The following CIB1 variants were observed in gnomAD, a reference collection of about 807,000 sequenced individuals.
CIB1 encodes the protein calcium and integrin-binding protein 1.
A neutral mutation model predicts 25.0 loss-of-function variants in CIB1; 19 were observed. That is an observed-to-expected ratio of 0.76 (90% CI 0.53 to 1.12). CIB1 has a LOEUF of 1.12. Ranked by LOEUF, CIB1 falls within the 50% of genes most tolerant of loss-of-function variation. The probability of loss-of-function intolerance (pLI) is 0.00; values close to 1 mark genes in which losing one functional copy is unlikely to be tolerated. For synonymous variants in CIB1, 104 were observed against 98.5 expected (o/e 1.06, Z -0.33); for missense variants, 236 against 242.6 (o/e 0.97, Z 0.18).
the CIB1 span, chr15:90,263,363 C>G: frequency 1.3e-5 from 7 of 526,380 alleles, no homozygotes; most frequent in Non-Finnish European, 2.3e-5. Context: ...CAGCAAGTTG[C>G]AGCTCCAAAC....
chr15:90,253,545 G>A, the CIB1 span, among the ~76,000 whole-genome samples: 3 of 152,126 alleles, frequency 2.0e-5, no homozygotes, highest in Non-Finnish European at 4.4e-5. Flanking sequence ...GAGATTGTGG[G>A]TTTCTGGAAT....
the CIB1 span, chr15:90,242,903 A>G: frequency 6.6e-6 from 1 of 152,174 alleles, no homozygotes; most frequent in Non-Finnish European, 1.5e-5. Flanking sequence ...GAGAAAGATA[A>G]TGGTCTCTTT....
the CIB1 span, chr15:90,257,930 C>T: frequency 8.9e-7 from 1 of 1,126,524 alleles, no homozygotes; most frequent in Non-Finnish European, 1.3e-6. Flanking sequence ...TGCTAGCAGC[C>T]CTTCAAAGCC....
chr15:90,257,803 T>A, the CIB1 span: 1 of 1,400,198 alleles, frequency 7.1e-7, no homozygotes, highest in Non-Finnish European at 1.0e-6. Flanking sequence ...AAGCTGGCTC[T>A]TGGGAGGCTA....
At chr15:90,251,109 T>C in the CIB1 span, among the ~76,000 whole-genome samples, 1 of 129,768 alleles carries the variant, frequency 7.7e-6, no homozygotes, top group Non-Finnish European at 1.6e-5. Flanking sequence ...GTCATCCTGG[T>C]CTGTCTTTTT....
chr15:90,262,346 G>T, the CIB1 span: 4 of 1,143,142 alleles, frequency 3.5e-6, no homozygotes, highest in South Asian at 1.7e-5. Flanking sequence ...CAGTTTAGTA[G>T]GTTTCCTATC....
At chr15:90,261,924 C>A in the CIB1 span, 2 of 1,193,166 alleles carry the variant, frequency 1.7e-6, no homozygotes, top group South Asian at 1.9e-5. Flanking sequence ...GCAGGAGGGT[C>A]TCCAAACCTT....
the CIB1 span, among the ~76,000 whole-genome samples, chr15:90,256,577 CTTTCTTTCTTTCTTTCT>C: frequency 1.8e-4 from 10 of 56,864 alleles, 1 homozygote; most frequent in East Asian, 8.4e-4. Flanking sequence ...TTCTTTCTTT[CTTTCTTTCTTTCTTTCT>C]TTCTTTCTTT....
chr15:90,234,100 G>A (rs1163026087), upstream of CIB1: 2 of 436,214 alleles, frequency 4.6e-6, no homozygotes, highest in Non-Finnish European at 7.8e-6. Context: ...AGCTGGAGGC[G>A]GGGCCCGGGG....
chr15:90,252,656 C>T, the CIB1 span, among the ~76,000 whole-genome samples: 1 of 152,114 alleles, frequency 6.6e-6, no homozygotes, highest in Non-Finnish European at 1.5e-5. Flanking sequence ...GCCAGTGTGA[C>T]CCCACCTATA....
At chr15:90,256,072 G>T in the CIB1 span, 14 of 1,581,092 alleles carry the variant, frequency 8.9e-6, no homozygotes, top group South Asian at 1.2e-5. Context: ...ATAGCAGGAA[G>T]AGCTCCATGC....
chr15:90,233,875 G>A lies in CIB1; in HGVS notation c.11C>T (p.Ser4Leu), dbSNP rs1360323255. Residue 4 changes from serine (S) to leucine (L), a missense_variant, in exon 1 of 7, where the codon TCG becomes TTG. By Grantham distance (145) the Ser-to-Leu change is moderately radical. Transcript: ENST00000328649. MGG[S>L]GSRLSKELLA... ...CAGCTCCTTGGACAGGCGACTGCCC[G>A]AGCCCCCCATCGCCCCGCCGCGCGC... 6.7e-7 allele frequency: 1 copy of A among 1,486,636 alleles called. No homozygotes were observed. The highest frequency in any genetic ancestry group is 2.5e-5 in the East Asian group (1 of 40,078). 92.1% of individuals were successfully genotyped at this position (1,486,636 alleles called of 1,614,324 possible).
At chr15:90,264,895 T>TC in the CIB1 span, 1 of 1,536,058 alleles carries the variant, frequency 6.5e-7, no homozygotes, top group African/African-American at 1.4e-5. Context: ...CAGCCAAGGT[T>TC]CCCCTCTGCC....
At chr15:90,253,425 C>A in the CIB1 span, 2 of 1,327,944 alleles carry the variant, frequency 1.5e-6, no homozygotes, top group Non-Finnish European at 1.0e-6. Flanking sequence ...TGACTATTCC[C>A]ACCTCCTTGC....
At chr15:90,255,613 C>T in the CIB1 span, 5 of 1,217,180 alleles carry the variant, frequency 4.1e-6, no homozygotes, top group East Asian at 7.1e-5. Context: ...TATGTTTGCC[C>T]TTGGGGTCCT....
At chr15:90,231,644 C>A in intron 3 of CIB1, 137 bp from the exon 4 acceptor site, 2 of 995,008 alleles carry the variant, frequency 2.0e-6, no homozygotes, top group Non-Finnish European at 2.9e-6. Context: ...GCTTTGGGGC[C>A]AACATGGAGG....
chr15:90,250,711 G>A, the CIB1 span: 1 of 1,614,148 alleles, frequency 6.2e-7, no homozygotes, highest in Non-Finnish European at 8.5e-7. Context: ...GTGTTAAAGA[G>A]GGAGTTACCA....
the CIB1 span, chr15:90,256,063 T>C: frequency 6.4e-6 from 10 of 1,573,524 alleles, no homozygotes; most frequent in South Asian, 2.3e-5. Flanking sequence ...ATGGACTAGA[T>C]AGCAGGAAGA....
chr15:90,237,549 G>A (rs1361623080), upstream of CIB1, among the ~76,000 whole-genome samples: 1 of 152,122 alleles, frequency 6.6e-6, no homozygotes, highest in East Asian at 1.9e-4. Context: ...CTCCCAATGT[G>A]CTGGTCCAGG....
Sources: gnomAD v4.1 joint callset for allele counts (sites outside exome capture counted in the v4.1 genomes callset) on GRCh38, gnomAD v4.1.1 for gene constraint, MANE v1.5 for transcripts, NCBI Gene and HGNC (gene_info 2026-07-23, HGNC 2026-07-21) for gene names.